The following RNF111 variants were observed in gnomAD, a reference collection of about 807,000 sequenced individuals.
RNF111 encodes E3 ubiquitin-protein ligase Arkadia.
A neutral mutation model predicts 95.1 loss-of-function variants in RNF111; 17 were observed. The ratio of observed to expected loss-of-function variants is 0.18; its 90% confidence interval spans 0.12 to 0.27. The LOEUF is 0.27. RNF111 is among the 10% of genes least tolerant of loss of function. The probability of loss-of-function intolerance (pLI) is 1.00; values close to 1 mark genes in which losing one functional copy is unlikely to be tolerated. For synonymous variants in RNF111, 440 were observed against 414.8 expected (o/e 1.06, Z -0.74); for missense variants, 1,189 against 1,210.4 (o/e 0.98, Z 0.26).
At chr15:59,088,679 A>G (rs1443077248) in intron 10 of RNF111, among the ~76,000 whole-genome samples, 4 of 152,222 alleles carry the variant, frequency 2.6e-5, no homozygotes, top group African/African-American at 9.6e-5. Context: ...GTTGCTGCAA[A>G]CACTGAATTA....
In RNF111 at chr15:58,996,649, CTTTTTT is replaced by C. The variant is rs60350601; in HGVS notation, c.-20+8605_-20+8610del. On this transcript the variant is annotated intron_variant, in intron 1 of 13. Coordinates refer to ENST00000348370, the MANE Select transcript of RNF111 (RefSeq NM_017610.8). Reference sequence around the variant, plus strand: ...GTGATTGAAAACTCATCAGTACTTTCTTTTTTTTTTTTTTTTTTTTTTTTTTTTTAC... The same window carrying C: ...GTGATTGAAAACTCATCAGTACTTTCTTTTTTTTTTTTTTTTTTTTTTTAC... 4.3e-3 allele frequency among the ~76,000 whole-genome samples: 429 copies of C among 100,754 alleles called. 2 individuals carry two copies. Among genetic ancestry groups the C allele is most frequent in the Middle Eastern group, 0.04 (8 of 202 alleles). The allele number at this position is 100,754 out of a possible 152,430, so 66.1% of individuals were successfully genotyped here. A position where few individuals can be genotyped will look rare whatever the true frequency, so the allele number is the denominator to read the frequency against.
chr15:59,019,376 A>G (rs1325263176), intron 1 of RNF111, among the ~76,000 whole-genome samples: 1 of 152,142 alleles, frequency 6.6e-6, no homozygotes, highest in African/African-American at 2.4e-5. Flanking sequence ...AAGGCCTGAT[A>G]TGTCTGATGG....
chr15:59,034,117 A>G (rs1260920180), intron 2 of RNF111, among the ~76,000 whole-genome samples: 5 of 152,232 alleles, frequency 3.3e-5, no homozygotes, highest in Non-Finnish European at 5.9e-5. Flanking sequence ...GGGCTATTCA[A>G]GGATAAATAA....
In RNF111 at chr15:59,037,975, C is replaced by G. The variant is rs565029264; in HGVS notation, c.880+6273C>G. Reference sequence around the variant, plus strand: ...AGAAAAAGAAGTTTTGTCTATCTTGCTTTGAAATACAAAGTTTTAAGGCTG... The same window carrying G: ...AGAAAAAGAAGTTTTGTCTATCTTGGTTTGAAATACAAAGTTTTAAGGCTG... On this transcript the variant is annotated intron_variant, in intron 2 of 13. Coordinates refer to ENST00000348370, the MANE Select transcript of RNF111 (RefSeq NM_017610.8). Among the ~76,000 whole-genome samples, 3 of 152,238 alleles carry G rather than the reference C, an allele frequency of 2.0e-5. No individual in the cohort carries two copies. The East Asian group carries it at 5.8e-4, about 29-fold the overall frequency.
intron 4 of RNF111, 65 bp downstream of exon 4, chr15:59,055,910 T>G: frequency 7.7e-7 from 1 of 1,297,752 alleles, no homozygotes; most frequent in South Asian, 1.6e-5. Context: ...TCTCTTAATA[T>G]GCTAGAAACT....
intron 5 of RNF111, among the ~76,000 whole-genome samples, chr15:59,060,864 C>T (rs2042406933): frequency 6.6e-6 from 1 of 151,204 alleles, no homozygotes; most frequent in African/African-American, 2.4e-5. Flanking sequence ...TGCAGTGGCA[C>T]AATCTTGTCT....
At chr15:58,998,757 A>G (rs2039196731) in intron 1 of RNF111, among the ~76,000 whole-genome samples, 7 of 152,254 alleles carry the variant, frequency 4.6e-5, no homozygotes, top group Admixed American at 4.6e-4. Flanking sequence ...AACGCCTATC[A>G]GTCACTGTAA....
chr15:59,012,640 C>G (rs2141564874), intron 1 of RNF111, among the ~76,000 whole-genome samples: 1 of 152,092 alleles, frequency 6.6e-6, no homozygotes, highest in Middle Eastern at 3.4e-3. Flanking sequence ...TTGACTTACA[C>G]ATAATTTCTC....
chr15:59,052,651 G>A (rs1303892605), intron 3 of RNF111, among the ~76,000 whole-genome samples: 1 of 141,462 alleles, frequency 7.1e-6, no homozygotes. Context: ...TGGCTCAAGT[G>A]ATTCTCCTGT....
In RNF111 at chr15:59,058,419, A is replaced by G. The variant is rs35612781; in HGVS notation, c.1235A>G (p.Asn412Ser). 6.2e-7 allele frequency: 1 copy of G among 1,614,154 alleles called. No individual in the cohort carries two copies. Among genetic ancestry groups the G allele is most frequent in the Non-Finnish European group, 8.5e-7 (1 of 1,180,010 alleles). ...TCACAAGCTACTAGCGCTTCCATTA[A>G]CAATTCAAATCCATCTACCTCTGAG... ...MESQATSASINNSNPSTSEQA... is the reference protein window; with the variant it reads ...MESQATSASISNSNPSTSEQA... Residue 412 changes from asparagine to serine, a missense_variant, in exon 5 of 14, where the codon AAC becomes AGC. By Grantham distance (46) the Asn-to-Ser change is conservative (BLOSUM62 1). This residue lies in a region of RNF111 where 1,024 missense variants were observed against 925.9 expected (regional missense o/e 1.11). Transcript: ENST00000348370.
chr15:59,008,754 T>C (rs892698860), intron 1 of RNF111, among the ~76,000 whole-genome samples: 15 of 152,260 alleles, frequency 9.9e-5, no homozygotes, highest in African/African-American at 3.6e-4. Flanking sequence ...TTTTTAAAAA[T>C]CATATTACAT....
intron 2 of RNF111, among the ~76,000 whole-genome samples, chr15:59,040,207 C>T (rs1433265611): frequency 3.3e-5 from 5 of 151,968 alleles, no homozygotes; most frequent in South Asian, 2.1e-4. Context: ...ACTTGACCTC[C>T]TGGGCTCAAG....
intron 10 of RNF111, among the ~76,000 whole-genome samples, chr15:59,086,068 T>A (rs377734047): frequency 1.3e-5 from 2 of 152,128 alleles, no homozygotes; most frequent in South Asian, 4.1e-4. Context: ...TGTGCTTCAG[T>A]TATTTTGCCG....
At chr15:58,995,355 G>C (rs1005347823) in intron 1 of RNF111, among the ~76,000 whole-genome samples, 1 of 152,128 alleles carries the variant, frequency 6.6e-6, no homozygotes, top group African/African-American at 2.4e-5. Flanking sequence ...GTTTTATTCA[G>C]TGGGTTAAAT....
intron 1 of RNF111, among the ~76,000 whole-genome samples, chr15:59,017,106 G>A (rs1217349115): frequency 1.3e-5 from 2 of 151,944 alleles, no homozygotes; most frequent in South Asian, 2.1e-4. Flanking sequence ...GAAACAAAGT[G>A]CACAATAAAT....
chr15:59,017,338 C>T (rs1204563983), intron 1 of RNF111, among the ~76,000 whole-genome samples: 1 of 152,114 alleles, frequency 6.6e-6, no homozygotes, highest in Non-Finnish European at 1.5e-5. Context: ...AACACCAAGC[C>T]ATTTAATAGC....
At chr15:59,046,499 G>A (rs957838507) in intron 2 of RNF111, among the ~76,000 whole-genome samples, 15 of 152,144 alleles carry the variant, frequency 9.9e-5, no homozygotes, top group African/African-American at 3.1e-4. Context: ...GGCCTGTTCT[G>A]TTCTTTGGAG....
Position 59,066,968 on chromosome 15 carries a change from C to A in RNF111, c.1571C>A (p.Pro524Gln). ...CACCACCACCACCATACTCCCCACC[C>A]AGCTGTCCCAGTTTCTCCTTCCTTT... ...HHHHHHHTPH[P>Q]AVPVSPSFSD... Residue 524 changes from proline (P) to glutamine (Q), a missense_variant, in exon 6 of 14, where the codon CCA becomes CAA. Pro to Gln is a moderately conservative substitution (Grantham distance 76). Transcript: ENST00000348370. The A allele has an allele frequency of 6.2e-7, 1 of 1,614,148 alleles. No homozygotes were observed. The highest frequency in any genetic ancestry group is 8.5e-7 in the Non-Finnish European group (1 of 1,180,032).
intron 12 of RNF111, among the ~76,000 whole-genome samples, chr15:59,091,732 G>A (rs1476550634): frequency 6.6e-6 from 1 of 152,158 alleles, no homozygotes; most frequent in Non-Finnish European, 1.5e-5. Flanking sequence ...CAACCTTTTT[G>A]ACACCAGGGA....
Sources: gnomAD v4.1 joint callset for allele counts (sites outside exome capture counted in the v4.1 genomes callset) on GRCh38, gnomAD v4.1.1 for gene constraint, gnomAD v4.1.1 regional missense constraint, MANE v1.5 for transcripts, NCBI Gene and HGNC (gene_info 2026-07-23, HGNC 2026-07-21) for gene names.